The following MINDY2 variants were observed in gnomAD, a reference collection of about 807,000 sequenced individuals.
The protein encoded by MINDY2 is ubiquitin carboxyl-terminal hydrolase MINDY-2.
MINDY2 carries 52 observed loss-of-function variants against 68.2 expected under a neutral mutation model. The ratio of observed to expected loss-of-function variants is 0.76; its 90% CI spans 0.61 to 0.96. MINDY2 has a LOEUF of 0.96. Ranked by LOEUF, MINDY2 falls within the 40% of genes least tolerant of loss-of-function variation. MINDY2 has a pLI of 0.00. For synonymous variants in MINDY2, 372 were observed against 303.0 expected (o/e 1.23, Z -2.36); for missense variants, 881 against 773.4 (o/e 1.14, Z -1.65).
rs2030148711 is a variant in MINDY2 at position 58,810,354 on chromosome 15, T to C, written c.1088T>C (p.Ile363Thr). ...TGCATAGTATTTGATCTTCTTGATA[T>C]TCCTTTGTACCATGGGTGGTTAGTA... is the stretch of plus-strand genomic sequence containing the variant. The part of the protein sequence containing the change: ...PECIVFDLLD[I>T]PLYHGWLVDP... The change falls in exon 4 of 9, where the codon ATT becomes ACT. Residue 363 changes from isoleucine (I) to threonine (T), a missense_variant. By Grantham distance (89) the Ile-to-Thr change is moderately conservative. Transcript: ENST00000559228. The C allele has an allele frequency of 1.9e-6, 3 of 1,611,938 alleles. No individual in the cohort carries two copies. The highest frequency in any genetic ancestry group is 1.7e-5 in the Admixed American group (1 of 59,576).
Position 58,828,034 on chromosome 15 carries a change from A to T in MINDY2, c.1226-3740A>T, listed in dbSNP as rs187416530. 6.6e-3 allele frequency among the ~76,000 whole-genome samples: 1,005 copies of T among 151,864 alleles called. 7 individuals are homozygous for T. Among genetic ancestry groups the T allele is most frequent in the African/African-American group, 0.022 (920 of 41,448 alleles). On this transcript the variant is annotated intron_variant, in intron 5 of 8. Transcript: ENST00000559228. ...GATCACCTGAGGTCAGGAGTTCGAG[A>T]CCAGCCTGGCCAACATGGTGAGACC...
chr15:58,860,556 TG>T lies in MINDY2; in HGVS notation c.*5947del, dbSNP rs1217725905. 7.1e-6 allele frequency: 1 copy of T among 141,486 alleles called. No homozygotes were observed. Among genetic ancestry groups the T allele is most frequent in the African/African-American group, 2.7e-5 (1 of 36,982 alleles). The allele number at this position is 141,486 out of a possible 1,614,324, so 8.8% of individuals were successfully genotyped here. On this transcript the variant is annotated 3_prime_UTR_variant, in exon 9 of 9. Transcript: ENST00000559228. ...CCCACTGCACTCCAGCCTGGGCGAC[TG>T]AGCGAGACTCTTATATCTCAAAAAA...
In MINDY2 at chr15:58,771,528, G is replaced by A. The variant is rs1483459023; in HGVS notation, c.133G>A (p.Ala45Thr). ...LAAGDGPGVWAAETSGGNGLG... is the reference protein window; with the variant it reads ...LAAGDGPGVWTAETSGGNGLG... Reference sequence around the variant, plus strand: ...CGCTGGTGATGGTCCTGGGGTATGGGCGGCGGAGACCAGCGGCGGGAATGG... The same window carrying A: ...CGCTGGTGATGGTCCTGGGGTATGGACGGCGGAGACCAGCGGCGGGAATGG... Residue 45 changes from alanine (A) to threonine (T), a missense_variant, in exon 1 of 9, where the codon GCG (alanine) becomes ACG (threonine). Transcript: ENST00000559228. The A allele has an allele frequency of 6.2e-7, 1 of 1,612,160 alleles. No individual in the cohort carries two copies. The highest frequency in any genetic ancestry group is 1.1e-5 in the South Asian group (1 of 91,060).
chr15:58,819,978 G>C (rs2030955851), intron 4 of MINDY2, among the ~76,000 whole-genome samples: 1 of 152,072 alleles, frequency 6.6e-6, no homozygotes, highest in Non-Finnish European at 1.5e-5. Flanking sequence ...AAATGTTTAA[G>C]ATATGGGCCA....
Position 58,854,531 on chromosome 15 carries a change from A to C in MINDY2, c.1787A>C (p.Asn596Thr), listed in dbSNP as rs1485532348. 1 of 1,613,994 alleles carries C rather than the reference A, an allele frequency of 6.2e-7. No homozygotes were observed. The highest frequency in any genetic ancestry group is 8.5e-7 in the Non-Finnish European group (1 of 1,179,954). Residue 596 changes from asparagine to threonine, a missense_variant, in exon 9 of 9, where the codon AAT (asparagine) becomes ACT (threonine). Physicochemically the swap from Asn to Thr is moderately conservative, Grantham distance 65 (BLOSUM62 0). Coordinates refer to ENST00000559228, the MANE Select transcript of MINDY2 (RefSeq NM_001040450.3). ...ASPSSGRQSG[N>T]SERKRKEPRE... is the part of the protein sequence containing the mutation. Reference sequence around the variant, plus strand: ...CCATCAAGTGGAAGACAATCTGGGAATAGTGAACGTAAACGGAAGGAACCA... The same window carrying C: ...CCATCAAGTGGAAGACAATCTGGGACTAGTGAACGTAAACGGAAGGAACCA...
intron 5 of MINDY2, among the ~76,000 whole-genome samples, chr15:58,824,300 T>C (rs140662697): frequency 6.6e-6 from 1 of 152,316 alleles, no homozygotes; most frequent in Non-Finnish European, 1.5e-5. Flanking sequence ...ATAGTTAATA[T>C]ATGTGTTATT....
At chr15:58,804,152 CTG>C (rs777705700) in intron 3 of MINDY2, among the ~76,000 whole-genome samples, 3 of 151,628 alleles carry the variant, frequency 2.0e-5, no homozygotes, top group Non-Finnish European at 4.4e-5. Context: ...GAAAGGAAAT[CTG>C]TAGCTAAAGC....
At position 58,771,689 on chromosome 15, in the gene MINDY2, C is replaced by T. The variant is rs1340372857; in HGVS notation, c.294C>T (p.Ala98=). 1 of 1,612,432 alleles carries T rather than the reference C, an allele frequency of 6.2e-7. No individual in the cohort carries two copies. Among genetic ancestry groups the T allele is most frequent in the Admixed American group, 1.7e-5 (1 of 59,972 alleles). ...GTGGTTTGGAGAGTCCTGCTGCCGC[C>T]GAGGCGCCTCTGAGAGGGCAGTACA... ...KDSGLESPAA[A]EAPLRGQYKV... is the part of the protein sequence containing the mutation. Residue 98 remains alanine (A), a synonymous_variant, in exon 1 of 9, where the codon GCC becomes GCT. Transcript: ENST00000559228.
intron 2 of MINDY2, among the ~76,000 whole-genome samples, chr15:58,791,652 GTGTGTGTGTA>G (rs1427040181): frequency 1.1e-3 from 157 of 143,232 alleles, no homozygotes; most frequent in African/African-American, 4.3e-3. Context: ...GTGTGTGTGT[GTGTGTGTGTA>G]TGTGTGTGTG....
chr15:58,847,311 G>A lies in MINDY2; in HGVS notation c.1383G>A (p.Leu461=). Residue 461 remains leucine, a synonymous_variant, in exon 7 of 9, where the codon TTG becomes TTA. Transcript: ENST00000559228. The part of the protein sequence containing the change: ...TMTKYKGQLY[L]LVTDQGFLTE... Reference sequence around the variant, plus strand: ...TTCTTATTAAGGGTCAACTGTATTTGTTGGTAACGGACCAGGGGTTTCTTA... The same window carrying A: ...TTCTTATTAAGGGTCAACTGTATTTATTGGTAACGGACCAGGGGTTTCTTA... 6.3e-7 allele frequency: 1 copy of A among 1,576,292 alleles called. No individual in the cohort carries two copies. The highest frequency in any genetic ancestry group is 2.3e-5 in the East Asian group (1 of 43,992).
chr15:58,814,734 T>C (rs946334767), intron 4 of MINDY2, among the ~76,000 whole-genome samples: 1 of 151,960 alleles, frequency 6.6e-6, no homozygotes, highest in Non-Finnish European at 1.5e-5. Context: ...ATGTTCTTGA[T>C]GTGTTCTAAG....
At position 58,802,660 on chromosome 15, in the gene MINDY2, C is replaced by T. The variant is rs552488257; in HGVS notation, c.963+283C>T. ...TTTTCTCATTCCATGAGAGATCAAA[C>T]CTAGTGTTTTTCTTGAAAAATTGAC... On this transcript the variant is annotated intron_variant, in intron 3 of 8. Coordinates refer to ENST00000559228, the MANE Select transcript of MINDY2 (RefSeq NM_001040450.3). Among the ~76,000 whole-genome samples, 29 of 151,698 alleles carry T rather than the reference C, an allele frequency of 1.9e-4. No individual in the cohort carries two copies. In the South Asian group the frequency reaches 5.0e-3, roughly 26 times the overall value.
intron 6 of MINDY2, among the ~76,000 whole-genome samples, chr15:58,837,556 GA>G: frequency 6.7e-6 from 1 of 149,778 alleles, no homozygotes; most frequent in South Asian, 2.1e-4. Context: ...AAAAAAAAAG[GA>G]AACCTTTTTT....
Position 58,854,645 on chromosome 15 carries a change from C to T in MINDY2, c.*35C>T. ...GCTTCTGTTGGAACCACCTATATGT[C>T]TTGAGAAACAAAACCACAGGAGGAA... On this transcript the variant is annotated 3_prime_UTR_variant, in exon 9 of 9. Coordinates refer to ENST00000559228, the MANE Select transcript of MINDY2 (RefSeq NM_001040450.3). 1.9e-6 allele frequency: 3 copies of T among 1,574,600 alleles called. No individual in the cohort carries two copies. Among genetic ancestry groups the T allele is most frequent in the Non-Finnish European group, 2.6e-6 (3 of 1,168,110 alleles).
At position 58,851,959 on chromosome 15, in the gene MINDY2, G is replaced by A. The variant is rs770532660; in HGVS notation, c.1731G>A (p.Gln577=). ...CTGCTGCTGCTGCTGCTTCTACACA[G>A]GCTCAGGTAAAAACTAGTGTTTTGA... ...AAAAAAAAST[Q]AQQGQPAQAS... Residue 577 remains glutamine, a synonymous_variant, in exon 8 of 9, where the codon CAG becomes CAA. Coordinates refer to ENST00000559228, the MANE Select transcript of MINDY2 (RefSeq NM_001040450.3). 6.3e-7 allele frequency: 1 copy of A among 1,580,074 alleles called. No individual in the cohort carries two copies. Among genetic ancestry groups the A allele is most frequent in the South Asian group, 1.2e-5 (1 of 85,766 alleles).
At chr15:58,847,018 A>C (rs1437970054) in intron 6 of MINDY2, among the ~76,000 whole-genome samples, 1 of 151,874 alleles carries the variant, frequency 6.6e-6, no homozygotes, top group Non-Finnish European at 1.5e-5. Context: ...GAGATTATAA[A>C]CCCCCCCAAA....
At position 58,793,127 on chromosome 15, in the gene MINDY2, G is replaced by A. The variant is rs143405176; in HGVS notation, c.898+5164G>A. On this transcript the variant is annotated intron_variant, in intron 2 of 8. Coordinates refer to ENST00000559228, the MANE Select transcript of MINDY2 (RefSeq NM_001040450.3). Reference sequence around the variant, plus strand: ...GGGGTTGACTGCTAATGGGTACAGGGTTTCTTTTAGGGAAGACCAAAATGT... The same window carrying A: ...GGGGTTGACTGCTAATGGGTACAGGATTTCTTTTAGGGAAGACCAAAATGT... Among the ~76,000 whole-genome samples the A allele has an allele frequency of 9.1e-3, 1,382 of 152,314 alleles. 16 individuals carry two copies. Among genetic ancestry groups the A allele is most frequent in the African/African-American group, 0.032 (1,320 of 41,570 alleles).
At chr15:58,836,476 T>A (rs1386721210) in intron 6 of MINDY2, among the ~76,000 whole-genome samples, 1 of 152,174 alleles carries the variant, frequency 6.6e-6, no homozygotes, top group African/African-American at 2.4e-5. Context: ...AGGGATCCTA[T>A]GGGCATTTGG....
intron 7 of MINDY2, among the ~76,000 whole-genome samples, chr15:58,851,017 A>T (rs1364549206): frequency 1.3e-5 from 2 of 151,780 alleles, no homozygotes; most frequent in African/African-American, 4.8e-5. Context: ...TCTGTCGCCC[A>T]GGCTGGAGCG....
Sources: allele counts gnomAD v4.1 joint callset (sites outside exome capture counted in the v4.1 genomes callset), GRCh38; gene constraint gnomAD v4.1.1; transcripts MANE v1.5; gene names NCBI Gene and HGNC (gene_info 2026-07-23, HGNC 2026-07-21).